Variants in USP40 observed in about 807,000 individuals in gnomAD.
USP40 encodes the protein ubiquitin specific peptidase 40.
USP40 carries 143 observed loss-of-function variants against 166.2 expected under a neutral mutation model. The observed-to-expected ratio is 0.86, with a 90% confidence interval of 0.75 to 0.99. The LOEUF (loss-of-function observed/expected upper bound fraction) is 0.99. Ranked by LOEUF, USP40 falls within the 50% of genes least tolerant of loss-of-function variation. The probability of loss-of-function intolerance (pLI) is 0.00; values close to 1 mark genes in which losing one functional copy is unlikely to be tolerated. For synonymous variants in USP40, 498 were observed against 524.0 expected (o/e 0.95, Z 0.68); for missense variants, 1,444 against 1,479.7 (o/e 0.98, Z 0.40).
chr2:233,554,271 A>C (rs2070846557), intron 6 of USP40, 109 bp downstream of exon 6: 1 of 1,142,918 alleles, frequency 8.7e-7, no homozygotes, highest in Non-Finnish European at 1.2e-6. Context: ...TATCTTTTCA[A>C]TCCTTAGTGT....
At chr2:233,525,445 G>C (rs2067950938) in intron 14 of USP40, 33 bp downstream of exon 14, 1 of 1,543,004 alleles carries the variant, frequency 6.5e-7, no homozygotes, top group Non-Finnish European at 8.9e-7. Flanking sequence ...TAGATATATA[G>C]AGTGAGTTGC....
chr2:233,488,289 T>C lies in USP40; in HGVS notation c.3147A>G (p.Gly1049=). 6.2e-7 allele frequency: 1 copy of C among 1,600,478 alleles called. No individual in the cohort carries two copies. Among genetic ancestry groups the C allele is most frequent in the South Asian group, 1.1e-5 (1 of 88,138 alleles). The change falls in exon 28 of 32, where the codon GGA becomes GGG. Residue 1049 remains glycine, a synonymous_variant. Coordinates refer to ENST00000678225, the MANE Select transcript of USP40 (RefSeq NM_001365479.2). ...GCTCTAAGCAGATCTCAATTCTCCG[T>C]CCTAGTTTATATTCCCTGATAATAA... ...DRQPLREYKL[G]RRIEICLEPL...
At chr2:233,522,426 T>C (rs1436597094) in intron 16 of USP40, among the ~76,000 whole-genome samples, 1 of 152,180 alleles carries the variant, frequency 6.6e-6, no homozygotes, top group Non-Finnish European at 1.5e-5. Context: ...GTAAGTGTAC[T>C]ACGAAAGAAA....
chr2:233,557,473 C>T (rs1449173232), intron 4 of USP40, among the ~76,000 whole-genome samples: 2 of 152,190 alleles, frequency 1.3e-5, no homozygotes. Flanking sequence ...ACAACTAAAA[C>T]AAGACTAACA....
chr2:233,480,830 G>A lies in USP40; in HGVS notation c.3599+373C>T, dbSNP rs545113703. The stretch of plus-strand genomic sequence containing the variant: ...AGGACAGGGAGCCCGCAGCAGGGCT[G>A]AGGTGGCAGCAAGACGGGGTGGTTC... On this transcript the variant is annotated intron_variant, in intron 31 of 31. Coordinates refer to ENST00000678225, the MANE Select transcript of USP40 (RefSeq NM_001365479.2). The surrounding 1 kb of genome is among the most constrained non-coding windows in gnomAD (Gnocchi z 4.5). 3.3e-5 allele frequency among the ~76,000 whole-genome samples: 5 copies of A among 152,324 alleles called. 1 individual carries two copies. In the South Asian group the frequency reaches 1.0e-3, roughly 32 times the overall value.
intron 5 of USP40, 124 bp from the exon 6 acceptor site, chr2:233,554,650 A>G (rs961294593): frequency 4.4e-6 from 3 of 677,302 alleles, no homozygotes; most frequent in Non-Finnish European, 6.5e-6. Flanking sequence ...ATAAAGATGT[A>G]GATCTCCTGA....
At chr2:233,558,827 C>T (rs1321875083) in intron 4 of USP40, among the ~76,000 whole-genome samples, 1 of 151,980 alleles carries the variant, frequency 6.6e-6, no homozygotes, top group Non-Finnish European at 1.5e-5. Context: ...CGGATTAACG[C>T]CAAATACCAG....
Position 233,504,271 on chromosome 2 carries a change from A to G in USP40, c.2614-4356T>C, listed in dbSNP as rs192896854. On this transcript the variant is annotated intron_variant, in intron 21 of 31. Coordinates refer to ENST00000678225, the MANE Select transcript of USP40 (RefSeq NM_001365479.2). ...ACAAAACAACCAGAAAACGATTAACAAAATGGCAGGAGTAAGTTCTTACTT... is the reference window on the plus strand; with the variant it reads ...ACAAAACAACCAGAAAACGATTAACGAAATGGCAGGAGTAAGTTCTTACTT... Among the ~76,000 whole-genome samples, 91 of 152,228 alleles carry G rather than the reference A, an allele frequency of 6.0e-4. 1 individual carries two copies. Among genetic ancestry groups the G allele is most frequent in the African/African-American group, 2.1e-3 (89 of 41,566 alleles).
At chr2:233,492,310 T>C (rs1398067860) in intron 25 of USP40, among the ~76,000 whole-genome samples, 3 of 152,206 alleles carry the variant, frequency 2.0e-5, no homozygotes, top group African/African-American at 7.2e-5. Context: ...TTTGTGTAAA[T>C]CACTCTACCG....
intron 21 of USP40, among the ~76,000 whole-genome samples, chr2:233,507,892 ACC>A (rs200143759): frequency 1.2e-4 from 18 of 146,460 alleles, no homozygotes; most frequent in Non-Finnish European, 2.6e-4. Flanking sequence ...TATGCTAAAT[ACC>A]CTGATTTAAT....
intron 26 of USP40, 66 bp from the exon 27 acceptor site, chr2:233,489,549 GA>G (rs112451786): frequency 3.2e-4 from 368 of 1,164,240 alleles, no homozygotes; most frequent in Non-Finnish European, 3.4e-4. Context: ...TACTGTTTTA[GA>G]AAAAAAAAAT....
chr2:233,562,393 T>C (rs1167222972), intron 3 of USP40, among the ~76,000 whole-genome samples: 1 of 150,744 alleles, frequency 6.6e-6, no homozygotes, highest in Non-Finnish European at 1.5e-5. Flanking sequence ...CCATAAAAAA[T>C]GATGAGTTCA....
chr2:233,477,551 C>A, intron 31 of USP40, 48 bp from the exon 32 acceptor site: 2 of 1,534,178 alleles, frequency 1.3e-6, no homozygotes, highest in South Asian at 2.3e-5. Flanking sequence ...CAGTGGGTGT[C>A]AGGGTGAGGG....
intron 27 of USP40, 99 bp downstream of exon 27, chr2:233,489,266 T>C (rs1057098741): frequency 8.5e-7 from 1 of 1,174,076 alleles, no homozygotes. Flanking sequence ...TGGGCTTTGT[T>C]GTCACTCAGC....
intron 24 of USP40, among the ~76,000 whole-genome samples, chr2:233,494,536 G>A (rs1339725308): frequency 6.6e-6 from 1 of 151,750 alleles, no homozygotes; most frequent in Non-Finnish European, 1.5e-5. Flanking sequence ...TTGTTTATGG[G>A]ACCAAAAACC....
chr2:233,520,907 T>G, intron 17 of USP40, 84 bp downstream of exon 17: 1 of 1,453,852 alleles, frequency 6.9e-7, no homozygotes, highest in Non-Finnish European at 9.3e-7. Flanking sequence ...AGACAACTGT[T>G]CTGAAAGATT....
intron 31 of USP40, among the ~76,000 whole-genome samples, chr2:233,479,762 C>T (rs1018550574): frequency 1.5e-4 from 23 of 151,974 alleles, no homozygotes; most frequent in African/African-American, 5.3e-4. Flanking sequence ...TGCAGAGCTG[C>T]GAATGGGGGT....
chr2:233,494,551 A>G (rs2065542296), intron 24 of USP40, among the ~76,000 whole-genome samples: 1 of 152,094 alleles, frequency 6.6e-6, no homozygotes, highest in Admixed American at 6.6e-5. Context: ...AAAACCATGA[A>G]CCAACTTCAA....
intron 17 of USP40, 73 bp from the exon 18 acceptor site, chr2:233,519,744 G>A: frequency 2.5e-6 from 2 of 803,964 alleles, no homozygotes; most frequent in Non-Finnish European, 3.8e-6. Flanking sequence ...TTGTCACTGT[G>A]TGCATAAACA....
Sources: gnomAD v4.1 joint callset for allele counts (sites outside exome capture counted in the v4.1 genomes callset) on GRCh38, gnomAD v4.1.1 for gene constraint, Gnocchi (gnomAD v3.1) non-coding constraint, MANE v1.5 for transcripts, NCBI Gene and HGNC (gene_info 2026-07-23, HGNC 2026-07-21) for gene names.